The following DMD variants were observed in gnomAD, a reference collection of about 807,000 sequenced individuals.
DMD encodes dystrophin.
Under a neutral mutation model 330.1 loss-of-function variants are expected in DMD, and 63 were observed. That is an observed-to-expected ratio of 0.19 (90% confidence interval 0.16 to 0.24). The LOEUF (loss-of-function observed/expected upper bound fraction) is 0.24. Among genes scored for constraint, DMD ranks in the 10% least tolerant of loss-of-function variants. The pLI is 1.00. For synonymous variants in DMD, 1,223 were observed against 959.8 expected (o/e 1.27, Z -5.07); for missense variants, 3,344 against 2,684.1 (o/e 1.25, Z -5.43).
chrX:31,762,636 G>A (rs1385412190), intron 51 of DMD, among the ~76,000 whole-genome samples: 1 of 111,737 alleles, frequency 8.9e-6, no homozygotes, highest in Non-Finnish European at 1.9e-5. Flanking sequence ...ACTGGGGTTG[G>A]AGGAAAAAGT....
chrX:32,716,568 C>T (rs1281675700), intron 7 of DMD, among the ~76,000 whole-genome samples: 1 of 110,785 alleles, frequency 9.0e-6, no homozygotes, highest in Non-Finnish European at 1.9e-5. Flanking sequence ...AAATTGGTAC[C>T]GAGAGGTAGG....
chrX:32,756,830 T>G (rs1198671560), intron 7 of DMD, among the ~76,000 whole-genome samples: 2 of 111,401 alleles, frequency 1.8e-5, no homozygotes, highest in African/African-American at 6.5e-5. Flanking sequence ...TTTCCCAACT[T>G]TACAGTTAGA....
At chrX:32,837,267 G>C (rs2079732958) in intron 4 of DMD, among the ~76,000 whole-genome samples, 1 of 111,946 alleles carries the variant, frequency 8.9e-6, no homozygotes. Context: ...CTTTGTATGT[G>C]ATGACTACAT....
chrX:33,084,137 T>C (rs751552737), intron 1 of DMD, among the ~76,000 whole-genome samples: 1 of 112,070 alleles, frequency 8.9e-6, no homozygotes, highest in Admixed American at 9.5e-5. Flanking sequence ...ACCCCACCAG[T>C]AGACAGAGTA....
At chrX:31,712,561 G>A (rs1481079373) in intron 52 of DMD, among the ~76,000 whole-genome samples, 1 of 110,519 alleles carries the variant, frequency 9.0e-6, no homozygotes, top group Non-Finnish European at 1.9e-5. Context: ...TGTAATGATT[G>A]TAATATTTTC....
At chrX:32,288,599 G>A (rs2097453233) in intron 42 of DMD, among the ~76,000 whole-genome samples, 1 of 111,704 alleles carries the variant, frequency 9.0e-6, no homozygotes, top group South Asian at 3.7e-4. Context: ...ACATAATTGG[G>A]ATCATATCAC....
At chrX:31,580,361 C>T (rs1409224136) in intron 55 of DMD, among the ~76,000 whole-genome samples, 2 of 111,782 alleles carry the variant, frequency 1.8e-5, no homozygotes, top group Non-Finnish European at 3.8e-5. Context: ...AAAGGACTTG[C>T]TCGGGCTGGT....
intron 44 of DMD, among the ~76,000 whole-genome samples, chrX:31,992,147 T>C (rs59317965): frequency 0.15 from 16,208 of 111,163 alleles, 2,378 homozygotes; most frequent in African/African-American, 0.45. Flanking sequence ...GACGTGTGGA[T>C]AGCTGAAGAA....
chrX:33,131,979 C>A (rs1385803290), intron 1 of DMD, among the ~76,000 whole-genome samples: 1 of 111,839 alleles, frequency 8.9e-6, no homozygotes, highest in Non-Finnish European at 1.9e-5. Context: ...AATGAATAGA[C>A]AAAATGATCC....
At chrX:32,279,210 G>T (rs1298776412) in intron 43 of DMD, among the ~76,000 whole-genome samples, 1 of 111,638 alleles carries the variant, frequency 9.0e-6, no homozygotes, top group East Asian at 2.8e-4. Flanking sequence ...TACACTGTTG[G>T]CAGGAATGTA....
At chrX:33,126,997 C>T (rs1171510318) in intron 1 of DMD, among the ~76,000 whole-genome samples, 1 of 111,260 alleles carries the variant, frequency 9.0e-6, no homozygotes, top group Non-Finnish European at 1.9e-5. Flanking sequence ...GAAATGACAA[C>T]CACTTAGTCC....
chrX:31,295,055 A>C (rs1298755145), intron 62 of DMD, among the ~76,000 whole-genome samples: 1 of 110,872 alleles, frequency 9.0e-6, no homozygotes, highest in South Asian at 3.8e-4. Flanking sequence ...GTAGTGCAGT[A>C]GCGCGATCTC....
chrX:32,862,673 T>A (rs1293498357), intron 2 of DMD, among the ~76,000 whole-genome samples: 2 of 111,864 alleles, frequency 1.8e-5, no homozygotes, highest in East Asian at 2.8e-4. Flanking sequence ...GTGGAATGAT[T>A]ACAATCCATG....
Position 32,816,722 on chromosome X carries a change from C to T in DMD, c.358-82G>A, listed in dbSNP as rs916918672. The T allele has an allele frequency of 7.2e-6, 7 of 978,526 alleles. No individual in the cohort carries two copies. In the African/African-American group the frequency reaches 1.1e-4, roughly 16 times the overall value. 80.6% of individuals were successfully genotyped at this position (978,526 alleles called of 1,213,427 possible). A position where few individuals can be genotyped will look rare whatever the true frequency, so the allele number is the denominator to read the frequency against. The stretch of plus-strand genomic sequence containing the variant: ...AAACTTAAATATGAATGTCCTTGAT[C>T]TTCAGTGATAAATAGAAATTTTAGG... On this transcript the variant is annotated intron_variant, in intron 5 of 78. Coordinates refer to ENST00000357033, the MANE Select transcript of DMD (RefSeq NM_004006.3).
At chrX:32,808,884 G>A (rs955242250) in intron 7 of DMD, among the ~76,000 whole-genome samples, 1 of 111,750 alleles carries the variant, frequency 8.9e-6, no homozygotes, top group Non-Finnish European at 1.9e-5. Flanking sequence ...TAATCTCTAC[G>A]TCTGGAAGGT....
Position 31,508,312 on chromosome X carries a change from G to A in DMD, c.8218-859C>T, listed in dbSNP as rs1011031637. The A allele has an allele frequency of 1.2e-5, 14 of 1,139,942 alleles. No homozygotes were observed. In the Admixed American group the frequency reaches 1.3e-4, roughly 10 times the overall value. 93.9% of individuals were successfully genotyped at this position (1,139,942 alleles called of 1,213,427 possible). A position where few individuals can be genotyped will look rare whatever the true frequency, so the allele number is the denominator to read the frequency against. The stretch of plus-strand genomic sequence containing the variant: ...CTGAGAAAACCCAGAAACTGAAAGA[G>A]CCCTGCTTTAAAATGCCAACTTTGC... On this transcript the variant is annotated intron_variant, in intron 55 of 78. Transcript: ENST00000357033.
chrX:32,245,457 T>C (rs2097231447), intron 43 of DMD, among the ~76,000 whole-genome samples: 2 of 88,734 alleles, frequency 2.3e-5, no homozygotes, highest in East Asian at 4.2e-4. Flanking sequence ...TCTTTTTTGG[T>C]TCCATATGAA....
chrX:32,740,221 G>A (rs947604165), intron 7 of DMD, among the ~76,000 whole-genome samples: 2 of 110,092 alleles, frequency 1.8e-5, no homozygotes, highest in East Asian at 2.9e-4. Flanking sequence ...GAGTTGAGAC[G>A]CCTACCAATC....
In DMD at chrX:31,687,590, G is replaced by GA. The variant is rs758636807; in HGVS notation, c.7661-8005dup. ...ATCCTCTGCCTTTTAAAAGGGCAAG[G>GA]AAGAGCAGGGAGCACTTTATATTGT... On this transcript the variant is annotated intron_variant, in intron 52 of 78. Coordinates refer to ENST00000357033, the MANE Select transcript of DMD (RefSeq NM_004006.3). 1.4e-3 allele frequency among the ~76,000 whole-genome samples: 161 copies of GA among 111,933 alleles called. 1 individual carries two copies. The highest frequency in any genetic ancestry group is 4.9e-3 in the African/African-American group (151 of 30,837).
Sources: gnomAD v4.1 joint callset for allele counts (sites outside exome capture counted in the v4.1 genomes callset) on GRCh38, gnomAD v4.1.1 for gene constraint, MANE v1.5 for transcripts, NCBI Gene and HGNC (gene_info 2026-07-23, HGNC 2026-07-21) for gene names.